Variants in OPHN1 observed in about 807,000 individuals in gnomAD.
The protein encoded by OPHN1 is oligophrenin-1.
In OPHN1, 11 loss-of-function variants were observed where a neutral mutation model predicts 60.7. The observed-to-expected ratio is 0.18, with a 90% confidence interval of 0.11 to 0.30. The LOEUF (loss-of-function observed/expected upper bound fraction) is 0.30. Ranked by LOEUF, OPHN1 falls within the 10% of genes least tolerant of loss-of-function variation. OPHN1 has a pLI of 1.00. For synonymous variants in OPHN1, 226 were observed against 222.6 expected (o/e 1.02, Z -0.14); for missense variants, 449 against 611.0 (o/e 0.73, Z 2.80).
intron 11 of OPHN1, 24 bp downstream of exon 11, chrX:68,201,595 C>A (rs976701870): frequency 2.6e-5 from 31 of 1,177,965 alleles, no homozygotes; most frequent in Non-Finnish European, 3.6e-5. Flanking sequence ...GGGGACATTG[C>A]CAATTCACAG....
At chrX:68,175,480 A>G (rs1328246465) in intron 15 of OPHN1, among the ~76,000 whole-genome samples, 1 of 111,591 alleles carries the variant, frequency 9.0e-6, no homozygotes, top group Non-Finnish European at 1.9e-5. Context: ...TTGTCTATTC[A>G]AAGTCCAGAC....
rs573366801 is a variant in OPHN1, at chrX:68,173,968, A to G, written c.1276+18951T>C. Among the ~76,000 whole-genome samples, 4 of 112,197 alleles carry G rather than the reference A, an allele frequency of 3.6e-5. No individual in the cohort carries two copies. The South Asian group carries it at 1.5e-3, about 42-fold the overall frequency. Reference sequence around the variant, plus strand: ...GGATTGTGATGGGAAGTGTCAAAAAAGGACTTTTGGGGTACCAAGAATGAT... The same window carrying G: ...GGATTGTGATGGGAAGTGTCAAAAAGGGACTTTTGGGGTACCAAGAATGAT... On this transcript the variant is annotated intron_variant, in intron 15 of 24. Coordinates refer to ENST00000355520, the MANE Select transcript of OPHN1 (RefSeq NM_002547.3).
chrX:68,395,393 C>T (rs959236326), intron 2 of OPHN1, among the ~76,000 whole-genome samples: 1 of 111,044 alleles, frequency 9.0e-6, no homozygotes, highest in African/African-American at 3.3e-5. Context: ...CCCCACCATC[C>T]GACTAGCTGA....
At chrX:68,410,392 G>A (rs1436795132) in intron 2 of OPHN1, among the ~76,000 whole-genome samples, 1 of 110,544 alleles carries the variant, frequency 9.0e-6, no homozygotes, top group Non-Finnish European at 1.9e-5. Context: ...GAAGGCCGAA[G>A]AGCAAAAAAA....
intron 19 of OPHN1, among the ~76,000 whole-genome samples, chrX:68,073,661 C>G (rs922769094): frequency 1.8e-5 from 2 of 111,924 alleles, no homozygotes; most frequent in Non-Finnish European, 3.8e-5. Flanking sequence ...ACCCACTTCA[C>G]AGAGTGTGGT....
chrX:68,274,892 T>A, intron 4 of OPHN1, 83 bp from the exon 5 acceptor site: 1 of 678,088 alleles, frequency 1.5e-6, no homozygotes, highest in Non-Finnish European at 2.3e-6. Flanking sequence ...ACATTTTCAT[T>A]TATATACCAA....
At chrX:68,148,574 A>C (rs1192037063) in intron 15 of OPHN1, among the ~76,000 whole-genome samples, 1 of 110,562 alleles carries the variant, frequency 9.0e-6, no homozygotes, top group Non-Finnish European at 1.9e-5. Context: ...ACAAGCTGAG[A>C]CGGCTGAGCC....
chrX:68,247,809 A>G (rs143755378), intron 5 of OPHN1, among the ~76,000 whole-genome samples: 26 of 109,387 alleles, frequency 2.4e-4, no homozygotes, highest in African/African-American at 8.3e-4. Flanking sequence ...GTGTGCCTGT[A>G]TTTCCAGCTA....
chrX:68,048,385 G>A (rs2076839327), intron 24 of OPHN1, 31 bp downstream of exon 24: 1 of 1,185,835 alleles, frequency 8.4e-7, no homozygotes, highest in Non-Finnish European at 1.1e-6. Flanking sequence ...TGTGGAACAA[G>A]ATTTTGTAAT....
At chrX:68,225,066 G>A (rs2147508335) in intron 6 of OPHN1, among the ~76,000 whole-genome samples, 1 of 112,372 alleles carries the variant, frequency 8.9e-6, no homozygotes, top group East Asian at 2.8e-4. Context: ...GGCACACCAG[G>A]AGATTATATA....
At chrX:68,128,949 G>A (rs1190247427) in intron 15 of OPHN1, among the ~76,000 whole-genome samples, 1 of 111,441 alleles carries the variant, frequency 9.0e-6, no homozygotes, top group Non-Finnish European at 1.9e-5. Context: ...TAAATTGGTG[G>A]AAAAAAAGCA....
At position 68,086,402 on chromosome X, in the gene OPHN1, A is replaced by T. The variant is rs764202192; in HGVS notation, c.1686+10468T>A. Among the ~76,000 whole-genome samples the T allele has an allele frequency of 1.4e-4, 16 of 111,406 alleles. 1 individual carries two copies. Among genetic ancestry groups the T allele is most frequent in the Non-Finnish European group, 2.6e-4 (14 of 53,074 alleles). On this transcript the variant is annotated intron_variant, in intron 19 of 24. Coordinates refer to ENST00000355520, the MANE Select transcript of OPHN1 (RefSeq NM_002547.3). ...GACTAAAATGGCTTTGATGGAATAA[A>T]CTTTTTCCAAGTTCAAGCCATGGGT...
intron 3 of OPHN1, among the ~76,000 whole-genome samples, chrX:68,283,350 C>A (rs2078027225): frequency 9.0e-6 from 1 of 111,611 alleles, no homozygotes; most frequent in Admixed American, 9.5e-5. Flanking sequence ...TTAATCCTTA[C>A]AGCCACTCAG....
intron 2 of OPHN1, among the ~76,000 whole-genome samples, chrX:68,313,804 C>T (rs1234464053): frequency 9.0e-6 from 1 of 111,081 alleles, no homozygotes; most frequent in Admixed American, 9.6e-5. Context: ...TAACTATAGT[C>T]AACAACAATT....
intron 5 of OPHN1, among the ~76,000 whole-genome samples, chrX:68,269,426 T>C (rs2077953654): frequency 9.0e-6 from 1 of 111,016 alleles, no homozygotes; most frequent in South Asian, 3.8e-4. Context: ...CCCTCAGAAA[T>C]AATGCCACAT....
At chrX:68,280,962 A>G (rs1167971475) in intron 4 of OPHN1, among the ~76,000 whole-genome samples, 2 of 112,145 alleles carry the variant, frequency 1.8e-5, no homozygotes, top group Non-Finnish European at 3.8e-5. Context: ...ATGGAGAGAT[A>G]ACCCACGTTT....
intron 2 of OPHN1, among the ~76,000 whole-genome samples, chrX:68,379,996 G>A (rs1011691379): frequency 1.5e-3 from 168 of 110,785 alleles, no homozygotes; most frequent in African/African-American, 5.4e-3. Context: ...AGTTTCAGAA[G>A]GAATGGTACC....
At chrX:68,133,813 T>G (rs1158024333) in intron 15 of OPHN1, among the ~76,000 whole-genome samples, 2 of 111,820 alleles carry the variant, frequency 1.8e-5, no homozygotes, top group Non-Finnish European at 3.8e-5. Context: ...AGTTATTATT[T>G]GTATAGTGCA....
At chrX:68,219,693 C>T (rs1303867641) in intron 6 of OPHN1, among the ~76,000 whole-genome samples, 1 of 109,797 alleles carries the variant, frequency 9.1e-6, no homozygotes, top group Non-Finnish European at 1.9e-5. Flanking sequence ...GGGTACATAA[C>T]GAAATGAAGG....
Sources: gnomAD v4.1 joint callset for allele counts (sites outside exome capture counted in the v4.1 genomes callset) on GRCh38, gnomAD v4.1.1 for gene constraint, MANE v1.5 for transcripts, NCBI Gene and HGNC (gene_info 2026-07-23, HGNC 2026-07-21) for gene names.